Variants in EDEM1 observed in about 807,000 individuals in gnomAD.
The protein encoded by EDEM1 is ER degradation enhancing alpha-mannosidase like protein 1, also known as ER degradation-enhancing alpha-mannosidase-like protein 1.
In EDEM1, 67 loss-of-function variants were observed where a neutral mutation model predicts 74.4. The ratio of observed to expected loss-of-function variants is 0.90; its 90% CI spans 0.74 to 1.10. The LOEUF (loss-of-function observed/expected upper bound fraction) is 1.10, where lower values mean the gene tolerates loss of function less well. EDEM1 is among the 50% of genes least tolerant of loss of function. EDEM1 has a pLI of 0.00. For missense variants in EDEM1, 926 were observed against 851.6 expected (o/e 1.09, Z -1.09); for synonymous variants, 382 against 335.9 (o/e 1.14, Z -1.50).
At chr3:5,194,019 A>G (rs958703904) in intron 1 of EDEM1, among the ~76,000 whole-genome samples, 3 of 152,180 alleles carry the variant, frequency 2.0e-5, no homozygotes, top group Non-Finnish European at 4.4e-5. Context: ...CATAAGCCCC[A>G]TTTTCCCCAG....
intron 5 of EDEM1, among the ~76,000 whole-genome samples, chr3:5,204,502 C>A (rs985741007): frequency 1.3e-5 from 2 of 152,046 alleles, no homozygotes; most frequent in South Asian, 2.1e-4. Flanking sequence ...GTGAACCCCC[C>A]ATCTCAGCCT....
chr3:5,202,405 T>C (rs1039626073), intron 4 of EDEM1, among the ~76,000 whole-genome samples: 1 of 152,224 alleles, frequency 6.6e-6, no homozygotes, highest in Non-Finnish European at 1.5e-5. Flanking sequence ...TGCCAGGATC[T>C]GGAATTAGAT....
At chr3:5,213,587 T>C in intron 11 of EDEM1, 65 bp downstream of exon 11, 2 of 1,452,720 alleles carry the variant, frequency 1.4e-6, no homozygotes, top group South Asian at 1.4e-5. Context: ...AATTGCTTAG[T>C]TGTTCAGACT....
chr3:5,203,206 C>T (rs1428675691), intron 5 of EDEM1, 57 bp downstream of exon 5: 2 of 1,470,866 alleles, frequency 1.4e-6, no homozygotes, highest in East Asian at 2.5e-5. Context: ...CTTTTCCTTT[C>T]ATCTTCTCTG....
At chr3:5,212,145 C>T (rs940166288) in intron 10 of EDEM1, among the ~76,000 whole-genome samples, 3 of 152,180 alleles carry the variant, frequency 2.0e-5, no homozygotes, top group African/African-American at 2.4e-5. Flanking sequence ...TCAGAATAAG[C>T]GGGCTCAGAA....
chr3:5,187,818 G>T lies in EDEM1; in HGVS notation c.13G>T (p.Ala5Ser), dbSNP rs748103225. The T allele has an allele frequency of 1.5e-5, 24 of 1,582,312 alleles. No homozygotes were observed. The highest frequency in any genetic ancestry group is 2.1e-5 in the Non-Finnish European group (24 of 1,165,864). ...CGCCCGCGCGACCATGCAATGGCGA[G>T]CGCTCGTCCTGGGGCTGGTGCTCCT... Reference protein sequence around the residue: MQWRALVLGLVLLRL... With the variant: MQWRSLVLGLVLLRL... Residue 5 changes from alanine (A) to serine (S), a missense_variant, in exon 1 of 12, where the codon GCG (alanine) becomes TCG (serine). Transcript: ENST00000256497.
At chr3:5,211,642 A>ATGAG (rs1199374302) in intron 10 of EDEM1, among the ~76,000 whole-genome samples, 2 of 144,550 alleles carry the variant, frequency 1.4e-5, no homozygotes, top group South Asian at 4.7e-4. Flanking sequence ...CCTCAGGCAC[A>ATGAG]TGAGTGAGTG....
chr3:5,204,130 A>G (rs1559297446), intron 5 of EDEM1, among the ~76,000 whole-genome samples: 1 of 152,196 alleles, frequency 6.6e-6, no homozygotes, highest in African/African-American at 2.4e-5. Context: ...AAGTCACTCA[A>G]ATTGTCAGCC....
rs1164219814 is a variant in EDEM1 at position 5,218,687 on chromosome 3, C to T, written c.*2769C>T. The T allele has an allele frequency of 1.3e-5, 2 of 152,120 alleles. No homozygotes were observed. Among genetic ancestry groups the T allele is most frequent in the Non-Finnish European group, 2.9e-5 (2 of 68,040 alleles). 9.4% of individuals were successfully genotyped at this position (152,120 alleles called of 1,614,324 possible). ...TTGGCTTGACAAAGCATAATTCTCT[C>T]ATAACAAACTTTCAAATCATTACAG... On this transcript the variant is annotated 3_prime_UTR_variant, in exon 12 of 12. Transcript: ENST00000256497.
rs531034772 is a variant in EDEM1 at position 5,213,107 on chromosome 3, C to G, written c.1681-212C>G. Among the ~76,000 whole-genome samples the G allele has an allele frequency of 2.0e-5, 3 of 152,258 alleles. No homozygotes were observed. The South Asian group carries it at 6.2e-4, about 32-fold the overall frequency. ...GGGTATGTGTAGGGGAGAGGCAGGT[C>G]TGGGCATCTGAGTTTAGATGAAGCA... On this transcript the variant is annotated intron_variant, in intron 10 of 11. Coordinates refer to ENST00000256497, the MANE Select transcript of EDEM1 (RefSeq NM_014674.3).
chr3:5,201,679 T>C, intron 3 of EDEM1, 74 bp from the exon 4 acceptor site: 2 of 1,566,640 alleles, frequency 1.3e-6, no homozygotes, highest in East Asian at 2.2e-5. Context: ...AACATACTTC[T>C]ATCTTTCTGA....
In EDEM1 at chr3:5,215,900, G is replaced by A. The variant is rs747606363; in HGVS notation, c.1956G>A (p.Gln652=). The A allele has an allele frequency of 5.0e-6, 8 of 1,612,930 alleles. No homozygotes were observed. In the East Asian group the frequency reaches 1.6e-4, roughly 31 times the overall value. The change falls in exon 12 of 12, where the codon CAG becomes CAA. Residue 652 remains glutamine, a synonymous_variant. Coordinates refer to ENST00000256497, the MANE Select transcript of EDEM1 (RefSeq NM_014674.3). ...LKSIYMRQID[Q]MVGLI ...GCATCTACATGCGACAGATTGACCA[G>A]ATGGTTGGTTTGATTTGATCTGCTC...
chr3:5,188,439 G>C, intron 1 of EDEM1, 125 bp downstream of exon 1: 1 of 1,125,178 alleles, frequency 8.9e-7, no homozygotes, highest in Non-Finnish European at 1.1e-6. Flanking sequence ...CCCGGGCAGC[G>C]CTCCCGCGCC....
intron 9 of EDEM1, 125 bp from the exon 10 acceptor site, chr3:5,210,995 A>C: frequency 2.3e-6 from 2 of 865,528 alleles, no homozygotes; most frequent in South Asian, 3.4e-5. Flanking sequence ...CCTCAATGTA[A>C]ACATAGTTTC....
At position 5,210,095 on chromosome 3, in the gene EDEM1, G is replaced by C. The variant is rs1028413113; in HGVS notation, c.1510-80G>C. ...GCTGGCGACTCGTCTCCATGGGGAA[G>C]CCCCGCAGTCACCATGATGTTTGTC... On this transcript the variant is annotated intron_variant, in intron 8 of 11. Transcript: ENST00000256497. The C allele has an allele frequency of 2.7e-5, 34 of 1,271,172 alleles. No individual in the cohort carries two copies. In the African/African-American group the frequency reaches 4.9e-4, roughly 18 times the overall value. The allele number at this position is 1,271,172 out of a possible 1,614,324, so 78.7% of individuals were successfully genotyped here.
intron 10 of EDEM1, chr3:5,211,554 A>G (rs549862458): frequency 3.3e-6 from 1 of 305,678 alleles, no homozygotes; most frequent in Non-Finnish European, 6.5e-6. Flanking sequence ...TGTGTTCATA[A>G]TGGCTTCTCA....
intron 10 of EDEM1, among the ~76,000 whole-genome samples, chr3:5,211,653 A>AGAGTGT (rs929855768): frequency 6.8e-6 from 1 of 146,876 alleles, no homozygotes; most frequent in African/African-American, 2.6e-5. Context: ...TGAGTGAGTG[A>AGAGTGT]GTGTGTGTGT....
chr3:5,200,607 C>G (rs572664571), intron 3 of EDEM1, among the ~76,000 whole-genome samples: 1 of 152,292 alleles, frequency 6.6e-6, no homozygotes, highest in South Asian at 2.1e-4. Flanking sequence ...TTCCAGTTCA[C>G]AGATGTAATA....
chr3:5,210,113 T>C, intron 8 of EDEM1, 62 bp from the exon 9 acceptor site: 1 of 1,437,388 alleles, frequency 7.0e-7, no homozygotes. Flanking sequence ...GTCACCATGA[T>C]GTTTGTCGAT....
Sources: gnomAD v4.1 joint callset for allele counts (sites outside exome capture counted in the v4.1 genomes callset) on GRCh38, gnomAD v4.1.1 for gene constraint, MANE v1.5 for transcripts, NCBI Gene and HGNC (gene_info 2026-07-23, HGNC 2026-07-21) for gene names.